Variants in PCNX3 observed in about 807,000 individuals in gnomAD.
The protein encoded by PCNX3 is pecanex 3.
In PCNX3, 58 loss-of-function variants were observed where a neutral mutation model predicts 207.2. The ratio of observed to expected loss-of-function variants is 0.28; its 90% CI spans 0.23 to 0.35. The LOEUF is 0.35. Among genes scored for constraint, PCNX3 ranks in the 10% least tolerant of loss-of-function variants. The pLI is 1.00. For synonymous variants in PCNX3, 1,337 were observed against 1,183.5 expected (o/e 1.13, Z -2.66); for missense variants, 2,410 against 2,774.4 (o/e 0.87, Z 2.95).
Position 65,622,236 on chromosome 11 carries a change from G to T in PCNX3, c.2236-9G>T. Reference sequence around the variant, plus strand: ...CCTGCTGGACCAGGACTCCCTGCACGAATCCCAGGAGCAGACACTGATGGA... The same window carrying T: ...CCTGCTGGACCAGGACTCCCTGCACTAATCCCAGGAGCAGACACTGATGGA... On this transcript the variant is annotated splice_polypyrimidine_tract_variant and intron_variant, in intron 10 of 34. Transcript: ENST00000355703. 1 of 1,601,504 alleles carries T rather than the reference G, an allele frequency of 6.2e-7. No individual in the cohort carries two copies. Among genetic ancestry groups the T allele is most frequent in the Non-Finnish European group, 8.5e-7 (1 of 1,174,744 alleles).
chr11:65,618,956 G>C lies in PCNX3; in HGVS notation c.1594G>C (p.Glu532Gln), dbSNP rs1472629367. Residue 532 changes from glutamate to glutamine, a missense_variant, in exon 6 of 35, where the codon GAG becomes CAG. Physicochemically the swap from Glu to Gln is conservative, Grantham distance 29. This residue lies in a region of PCNX3 where 1,104 missense variants were observed against 970.3 expected (regional missense o/e 1.14). Transcript: ENST00000355703. ...KAELEAQVGV[E>Q]QAASEPVVLP... ...AGAGCTGGAGGCCCAGGTTGGGGTG[G>C]AGCAGGCTGCTAGTGAGCCTGTTGT... 6.2e-7 allele frequency: 1 copy of C among 1,604,636 alleles called. No individual in the cohort carries two copies. The highest frequency in any genetic ancestry group is 1.7e-5 in the Admixed American group (1 of 59,140).
At position 65,629,414 on chromosome 11, in the gene PCNX3, T is replaced by C. The variant is rs757289428; in HGVS notation, c.3999T>C (p.Pro1333=). 7.4e-6 allele frequency: 12 copies of C among 1,612,078 alleles called. No individual in the cohort carries two copies. Among genetic ancestry groups the C allele is most frequent in the Non-Finnish European group, 9.3e-6 (11 of 1,179,048 alleles). ...TGGTCACACAGCTGGACAGGAACCC[T>C]GGTGTGTACCCAGCCATCCAAGGGG... ...TRLVTQLDRN[P]GADDNNLNSI... is the part of the protein sequence containing the mutation. The change falls in exon 25 of 35, where the codon CCT becomes CCC. Residue 1333 remains proline (P), a splice_region_variant and synonymous_variant. Transcript: ENST00000355703.
intron 15 of PCNX3, 120 bp from the exon 16 acceptor site, chr11:65,624,805 A>G (rs2135439816): frequency 1.8e-6 from 2 of 1,089,476 alleles, no homozygotes; most frequent in East Asian, 5.1e-5. Context: ...AGCAGAGAAC[A>G]ATGGGCTGGG....
At chr11:65,626,828 C>T (rs1404151804) in intron 20 of PCNX3, 76 bp from the exon 21 acceptor site, 3 of 1,545,518 alleles carry the variant, frequency 1.9e-6, no homozygotes, top group East Asian at 4.9e-5. Context: ...GCACAGCCTG[C>T]CCTCCTAGGG....
At position 65,616,473 on chromosome 11, in the gene PCNX3, C is replaced by T. The variant is rs755315430; in HGVS notation, c.153+9C>T. 1 of 1,598,616 alleles carries T rather than the reference C, an allele frequency of 6.3e-7. No homozygotes were observed. The highest frequency in any genetic ancestry group is 1.1e-5 in the South Asian group (1 of 90,228). On this transcript the variant is annotated intron_variant, in intron 1 of 34. Transcript: ENST00000355703. ...CCTTCTTACTGTACATGGTGAGACG[C>T]CACGGCCACCTGTAACTCCAGCCGG... is the stretch of plus-strand genomic sequence containing the variant.
rs199636567 is a variant in PCNX3, at chr11:65,636,909, C to A, written c.6036C>A (p.Gly2012=). 14 of 1,557,700 alleles carry A rather than the reference C, an allele frequency of 9.0e-6. No homozygotes were observed. The East Asian group carries it at 3.4e-4, about 38-fold the overall frequency. Residue 2012 remains glycine, a synonymous_variant, in exon 35 of 35, where the codon GGC becomes GGA. Coordinates refer to ENST00000355703, the MANE Select transcript of PCNX3 (RefSeq NM_032223.4). Reference sequence around the variant, plus strand: ...GTGGCACACCTATGGGTGCCCTGGGCGACTGGCCTGCCCCTATTGAGGAGC... The same window carrying A: ...GTGGCACACCTATGGGTGCCCTGGGAGACTGGCCTGCCCCTATTGAGGAGC... ...PESGTPMGAL[G]DWPAPIEERE... is the part of the protein sequence containing the mutation.
chr11:65,616,531 C>T (rs1854738112), intron 1 of PCNX3, 67 bp downstream of exon 1: 2 of 1,515,272 alleles, frequency 1.3e-6, no homozygotes, highest in Non-Finnish European at 1.8e-6. Flanking sequence ...GGATTCAGGG[C>T]AGTGCCCTGG....
chr11:65,618,955 G>A lies in PCNX3; in HGVS notation c.1593G>A (p.Val531=), dbSNP rs772611564. 3.1e-6 allele frequency: 5 copies of A among 1,604,358 alleles called. No individual in the cohort carries two copies. In the African/African-American group the frequency reaches 5.3e-5, roughly 17 times the overall value. Residue 531 remains valine, a synonymous_variant, in exon 6 of 35, where the codon GTG becomes GTA. Coordinates refer to ENST00000355703, the MANE Select transcript of PCNX3 (RefSeq NM_032223.4). ...CAGAGCTGGAGGCCCAGGTTGGGGT[G>A]GAGCAGGCTGCTAGTGAGCCTGTTG... ...CKAELEAQVG[V]EQAASEPVVL...
Position 65,635,555 on chromosome 11 carries a change from G to A in PCNX3, c.5211G>A (p.Leu1737=). Reference sequence around the variant, plus strand: ...TGAACCGGGAGTGCGTGCGCGGCCTGTGGGCCGGGCAGCAGCAGGAGCTGG... The same window carrying A: ...TGAACCGGGAGTGCGTGCGCGGCCTATGGGCCGGGCAGCAGCAGGAGCTGG... ...IKVNRECVRG[L]WAGQQQELVF... Residue 1737 remains leucine (L), a synonymous_variant, in exon 32 of 35, where the codon CTG becomes CTA. Coordinates refer to ENST00000355703, the MANE Select transcript of PCNX3 (RefSeq NM_032223.4). The surrounding 1 kb of genome is among the most constrained non-coding windows in gnomAD (Gnocchi z 9.9). The A allele has an allele frequency of 5.6e-6, 9 of 1,611,802 alleles. 1 individual carries two copies. The highest frequency in any genetic ancestry group is 7.6e-6 in the Non-Finnish European group (9 of 1,179,664).
At chr11:65,631,651 T>G (rs1565169937) in intron 27 of PCNX3, among the ~76,000 whole-genome samples, 1 of 151,514 alleles carries the variant, frequency 6.6e-6, no homozygotes, top group Non-Finnish European at 1.5e-5. Flanking sequence ...AGAGCAAGAC[T>G]GTCTCAAAAA....
rs1854851474 is a variant in PCNX3 at position 65,618,142 on chromosome 11, C to G, written c.780C>G (p.Asp260Glu). ...SKSFLTLTQP[D>E]RALVRTSSRR... ...GCTTCCTGACCCTGACCCAGCCTGA[C>G]CGGGCCCTGGTGAGGACCAGCAGTC... is the stretch of plus-strand genomic sequence containing the variant. The change falls in exon 6 of 35, where the codon GAC (aspartate) becomes GAG (glutamate). Residue 260 changes from aspartate to glutamate, a missense_variant. Asp to Glu is a conservative substitution (Grantham distance 45). Around this residue, in one of 8 missense-constraint regions of PCNX3, gnomAD observed 1,104 missense variants for 970.3 expected, o/e 1.14. Transcript: ENST00000355703. The G allele has an allele frequency of 2.5e-6, 4 of 1,610,408 alleles. No homozygotes were observed. Among genetic ancestry groups the G allele is most frequent in the East Asian group, 4.5e-5 (2 of 44,806 alleles).
rs532567013 is a variant in PCNX3, at chr11:65,625,999, C to T, written c.3324C>T (p.Phe1108=). The change falls in exon 20 of 35, where the codon TTC becomes TTT. Residue 1108 remains phenylalanine, a synonymous_variant. Transcript: ENST00000355703. This position sits in a 1 kb window ranked among gnomAD's most constrained non-coding sequence, Gnocchi z 5.6. ...LPQLRKQLPW[F]CLSQPVLKPL... ...AACTCCGCAAACAGCTGCCCTGGTT[C>T]TGCCTGTCACAGCCCGTGCTGAAGC... is the stretch of plus-strand genomic sequence containing the variant. The T allele has an allele frequency of 6.2e-7, 1 of 1,613,620 alleles. No homozygotes were observed. Among genetic ancestry groups the T allele is most frequent in the South Asian group, 1.1e-5 (1 of 91,034 alleles).
In PCNX3 at chr11:65,625,888, C is replaced by T; in HGVS notation, c.3229-16C>T. 1 of 1,609,500 alleles carries T rather than the reference C, an allele frequency of 6.2e-7. No individual in the cohort carries two copies. Among genetic ancestry groups the T allele is most frequent in the Non-Finnish European group, 8.5e-7 (1 of 1,177,306 alleles). ...CTGCTCCCATCAGCTGAGTCTCTGG[C>T]CTCTCCCTCCTGCAGTCGGTGCTGG... On this transcript the variant is annotated splice_polypyrimidine_tract_variant and intron_variant, in intron 19 of 34. Coordinates refer to ENST00000355703, the MANE Select transcript of PCNX3 (RefSeq NM_032223.4). The surrounding 1 kb of genome is among the most constrained non-coding windows in gnomAD (Gnocchi z 5.6).
At chr11:65,632,041 G>A (rs993299638) in intron 27 of PCNX3, among the ~76,000 whole-genome samples, 8 of 152,154 alleles carry the variant, frequency 5.3e-5, no homozygotes, top group African/African-American at 9.7e-5. Context: ...GAGAGGTCAT[G>A]GCCTGGTCCA....
intron 9 of PCNX3, 79 bp from the exon 10 acceptor site, chr11:65,620,752 T>C: frequency 6.5e-7 from 1 of 1,539,576 alleles, no homozygotes; most frequent in Non-Finnish European, 8.8e-7. Flanking sequence ...CCTACCTGCC[T>C]GGCCTTGGCC....
At position 65,637,265 on chromosome 11, in the gene PCNX3, A is replaced by C. The variant is rs1855886245; in HGVS notation, c.*287A>C. On this transcript the variant is annotated 3_prime_UTR_variant, in exon 35 of 35. Transcript: ENST00000355703. ...CTGGTCCCACTTGGAGCCTGTGGCC[A>C]GGACCACCTCAGCCCCTGGGCCTGC... 1 of 468,008 alleles carries C rather than the reference A, an allele frequency of 2.1e-6. No individual in the cohort carries two copies. Among genetic ancestry groups the C allele is most frequent in the Non-Finnish European group, 3.9e-6 (1 of 258,254 alleles). The allele number at this position is 468,008 out of a possible 1,614,324, so 29.0% of individuals were successfully genotyped here.
chr11:65,632,315 G>T (rs1277393275), intron 27 of PCNX3, among the ~76,000 whole-genome samples: 1 of 151,784 alleles, frequency 6.6e-6, no homozygotes. Context: ...GGTGGGGCGG[G>T]GGGAGGCGGG....
Position 65,625,272 on chromosome 11 carries a change from C to G in PCNX3, c.3021C>G (p.Thr1007=). The G allele has an allele frequency of 6.2e-7, 1 of 1,608,002 alleles. No homozygotes were observed. The highest frequency in any genetic ancestry group is 1.3e-5 in the African/African-American group (1 of 74,970). Residue 1007 remains threonine (T), a synonymous_variant, in exon 17 of 35, where the codon ACC becomes ACG. Transcript: ENST00000355703. This position sits in a 1 kb window ranked among gnomAD's most constrained non-coding sequence, Gnocchi z 5.6. ...YHLSRQSSDP[T]VLWSLIRSKL... is the part of the protein sequence containing the mutation. Reference sequence around the variant, plus strand: ...TGAGCCGGCAGAGCAGCGACCCCACCGTGCTCTGGTGGGTGTGCTCCGGGT... The same window carrying G: ...TGAGCCGGCAGAGCAGCGACCCCACGGTGCTCTGGTGGGTGTGCTCCGGGT...
At position 65,623,745 on chromosome 11, in the gene PCNX3, A is replaced by C. The variant is rs111629452; in HGVS notation, c.2511+101A>C. ...AGGAGTATAAGCTGAAAGGTAGATA[A>C]TTTGTCTAAGGTTCCCTAGAGCTGG... On this transcript the variant is annotated intron_variant, in intron 12 of 34. Transcript: ENST00000355703. 1,216 of 1,542,800 alleles carry C rather than the reference A, an allele frequency of 7.9e-4. 3 individuals carry two copies. Among genetic ancestry groups the C allele is most frequent in the Non-Finnish European group, 1.0e-3 (1,173 of 1,136,720 alleles).
Sources: gnomAD v4.1 joint callset for allele counts (sites outside exome capture counted in the v4.1 genomes callset) on GRCh38, gnomAD v4.1.1 for gene constraint, gnomAD v4.1.1 regional missense constraint, Gnocchi (gnomAD v3.1) non-coding constraint, MANE v1.5 for transcripts, NCBI Gene and HGNC (gene_info 2026-07-23, HGNC 2026-07-21) for gene names.